Variants in PDE10A observed in about 807,000 individuals in gnomAD.
PDE10A encodes the protein cAMP and cAMP-inhibited cGMP 3',5'-cyclic phosphodiesterase 10A.
PDE10A carries 39 observed loss-of-function variants against 97.7 expected under a neutral mutation model. That is an observed-to-expected ratio of 0.40 (90% CI 0.31 to 0.52). PDE10A has a LOEUF of 0.52. Ranked by LOEUF, PDE10A falls within the 20% of genes least tolerant of loss-of-function variation. The pLI is 0.56. For synonymous variants in PDE10A, 371 were observed against 376.8 expected (o/e 0.98, Z 0.18); for missense variants, 731 against 1,047.8 (o/e 0.70, Z 4.17).
chr6:165,943,922 C>T (rs1783671594), intron 1 of PDE10A, among the ~76,000 whole-genome samples: 1 of 152,204 alleles, frequency 6.6e-6, no homozygotes, highest in South Asian at 2.1e-4. Flanking sequence ...GGCTGCACAG[C>T]TCTGTGCCTT....
intron 1 of PDE10A, among the ~76,000 whole-genome samples, chr6:165,865,172 TCA>T (rs1412865208): frequency 6.6e-6 from 1 of 152,044 alleles, no homozygotes; most frequent in Non-Finnish European, 1.5e-5. Context: ...ACTGAAAAAC[TCA>T]CAGACACCAC....
intron 1 of PDE10A, among the ~76,000 whole-genome samples, chr6:165,548,947 T>C (rs970695009): frequency 3.3e-5 from 5 of 152,212 alleles, no homozygotes; most frequent in African/African-American, 1.2e-4. Context: ...TTGAATAAAT[T>C]TGATCTGTTT....
chr6:165,609,961 C>T (rs1267880477), intron 1 of PDE10A, among the ~76,000 whole-genome samples: 1 of 152,114 alleles, frequency 6.6e-6, no homozygotes, highest in African/African-American at 2.4e-5. Context: ...TCAATGCCAT[C>T]CCCATCAAGC....
chr6:165,849,595 C>G (rs1449406955), intron 1 of PDE10A, among the ~76,000 whole-genome samples: 4 of 152,144 alleles, frequency 2.6e-5, no homozygotes, highest in Non-Finnish European at 2.9e-5. Flanking sequence ...GCTGCCTAAC[C>G]CAATTCAATT....
intron 1 of PDE10A, among the ~76,000 whole-genome samples, chr6:165,825,175 A>T (rs1180561762): frequency 6.6e-6 from 1 of 151,404 alleles, no homozygotes; most frequent in Non-Finnish European, 1.5e-5. Context: ...AAAAGAAAAA[A>T]AAAGAAAGGG....
intron 2 of PDE10A, among the ~76,000 whole-genome samples, chr6:165,537,874 T>G (rs1783187839): frequency 6.6e-6 from 1 of 151,902 alleles, no homozygotes; most frequent in South Asian, 2.1e-4. Flanking sequence ...CAAAATTAGG[T>G]TTCATGCAAA....
chr6:165,469,927 A>G (rs1327632700), intron 3 of PDE10A, among the ~76,000 whole-genome samples: 1 of 152,162 alleles, frequency 6.6e-6, no homozygotes. Context: ...AGGGTGCTGT[A>G]AAGAGACAGG....
chr6:165,699,142 T>C (rs566437018), intron 1 of PDE10A, among the ~76,000 whole-genome samples: 3 of 152,206 alleles, frequency 2.0e-5, no homozygotes, highest in Non-Finnish European at 2.9e-5. Context: ...GGTAAAAGGA[T>C]GAAAAAGATA....
chr6:165,930,938 A>T (rs1402365427), intron 1 of PDE10A, among the ~76,000 whole-genome samples: 3 of 152,210 alleles, frequency 2.0e-5, no homozygotes, highest in Admixed American at 1.3e-4. Context: ...GATGAAACTG[A>T]GGGAACCGCA....
chr6:165,880,772 C>A (rs897868538), intron 1 of PDE10A, among the ~76,000 whole-genome samples: 1 of 152,222 alleles, frequency 6.6e-6, no homozygotes, highest in African/African-American at 2.4e-5. Context: ...TGGGAACAGG[C>A]TCAGCTGGCA....
At chr6:165,840,824 T>C (rs772197579) in intron 1 of PDE10A, among the ~76,000 whole-genome samples, 1 of 152,224 alleles carries the variant, frequency 6.6e-6, no homozygotes, top group Non-Finnish European at 1.5e-5. Context: ...ATTAGAAATA[T>C]AAGTGTAATA....
At chr6:165,881,887 T>C (rs1356266146) in intron 1 of PDE10A, among the ~76,000 whole-genome samples, 1 of 152,176 alleles carries the variant, frequency 6.6e-6, no homozygotes, top group Admixed American at 6.5e-5. Context: ...GACAAGTCAC[T>C]TGAAAAAACA....
chr6:165,746,209 T>C (rs1792839314), intron 1 of PDE10A, among the ~76,000 whole-genome samples: 1 of 152,184 alleles, frequency 6.6e-6, no homozygotes, highest in South Asian at 2.1e-4. Context: ...CAAAGAGATA[T>C]AAATAGCACC....
intron 1 of PDE10A, among the ~76,000 whole-genome samples, chr6:165,974,930 G>T (rs1327695463): frequency 2.6e-5 from 4 of 152,178 alleles, no homozygotes; most frequent in Non-Finnish European, 5.9e-5. Context: ...AGAAATGGGA[G>T]TGTCTGCCTT....
intron 1 of PDE10A, among the ~76,000 whole-genome samples, chr6:165,779,489 C>T (rs1778288509): frequency 6.6e-6 from 1 of 152,206 alleles, no homozygotes; most frequent in South Asian, 2.1e-4. Flanking sequence ...CGTGGGGTTT[C>T]CATTTGTCAT....
chr6:165,478,123 A>C (rs1042060522), intron 3 of PDE10A, among the ~76,000 whole-genome samples: 6 of 152,162 alleles, frequency 3.9e-5, no homozygotes, highest in Middle Eastern at 3.2e-3. Context: ...GCTTTCTAAA[A>C]ATCTCCAATT....
At chr6:165,626,758 G>A (rs1788406472) in intron 1 of PDE10A, among the ~76,000 whole-genome samples, 1 of 152,066 alleles carries the variant, frequency 6.6e-6, no homozygotes, top group Non-Finnish European at 1.5e-5. Context: ...GCGAGGTGGG[G>A]CGGCGGGGGG....
intron 15 of PDE10A, among the ~76,000 whole-genome samples, chr6:165,394,062 TA>T (rs1785933662): frequency 6.0e-5 from 2 of 33,402 alleles, no homozygotes; most frequent in Admixed American, 5.9e-4. Flanking sequence ...TCTAAACATT[TA>T]TTATTATTAT....
At chr6:165,377,492 G>T (rs563366514) in intron 18 of PDE10A, among the ~76,000 whole-genome samples, 6 of 152,066 alleles carry the variant, frequency 3.9e-5, no homozygotes, top group African/African-American at 9.6e-5. Flanking sequence ...ATTTAAACAT[G>T]CACCACTACC....
Sources: gnomAD v4.1 joint callset for allele counts (sites outside exome capture counted in the v4.1 genomes callset) on GRCh38, gnomAD v4.1.1 for gene constraint, MANE v1.5 for transcripts, NCBI Gene and HGNC (gene_info 2026-07-23, HGNC 2026-07-21) for gene names.